The following IL7 variants were observed in gnomAD, a reference collection of about 807,000 sequenced individuals.
The protein encoded by IL7 is interleukin-7.
IL7 carries 3 observed loss-of-function variants against 21.6 expected under a neutral mutation model. That is an observed-to-expected ratio of 0.14 (90% CI 0.06 to 0.36). The LOEUF is 0.36. Ranked by LOEUF, IL7 falls within the 10% of genes least tolerant of loss-of-function variation. The probability of loss-of-function intolerance (pLI) is 1.00; values close to 1 mark genes in which losing one functional copy is unlikely to be tolerated. For synonymous variants in IL7, 62 were observed against 68.1 expected, an observed-to-expected ratio of 0.91 and a Z score of 0.44; for missense variants, 175 against 200.2, an observed-to-expected ratio of 0.87 and a Z score of 0.76.
At chr8:78,698,268 G>A in intron 3 of IL7, 1 of 616,050 alleles carries the variant, frequency 1.6e-6, no homozygotes, top group Non-Finnish European at 2.7e-6. Flanking sequence ...TCGTCCTCTG[G>A]AAATGCCATT....
chr8:78,775,858 T>A (rs1813120333), intron 2 of IL7, among the ~76,000 whole-genome samples: 1 of 152,062 alleles, frequency 6.6e-6, no homozygotes, highest in Non-Finnish European at 1.5e-5. Context: ...TCACTGGACC[T>A]CTGTGTAAGA....
chr8:78,697,454 A>T (rs1474057394), intron 3 of IL7: 1 of 1,610,626 alleles, frequency 6.2e-7, no homozygotes, highest in South Asian at 1.1e-5. Flanking sequence ...GAACTGCATC[A>T]TCAGGATCTT....
downstream of IL7, among the ~76,000 whole-genome samples, chr8:78,729,867 A>G (rs961191342): frequency 6.6e-6 from 1 of 152,044 alleles, no homozygotes; most frequent in African/African-American, 2.4e-5. Context: ...CATTGAAGAT[A>G]GAAATTGGCA....
chr8:78,728,435 ACAGAG>A (rs1160421433), downstream of IL7, among the ~76,000 whole-genome samples: 76 of 152,186 alleles, frequency 5.0e-4, no homozygotes, highest in African/African-American at 1.7e-3. Flanking sequence ...GATCATCAGA[ACAGAG>A]CAGAGCAGAG....
At chr8:78,709,968 G>A (rs1371808017) in intron 3 of IL7, among the ~76,000 whole-genome samples, 1 of 152,000 alleles carries the variant, frequency 6.6e-6, no homozygotes, top group Non-Finnish European at 1.5e-5. Context: ...ACTCCTACAA[G>A]GTACCTAGTA....
chr8:78,771,951 GC>G (rs2130789110), intron 2 of IL7, among the ~76,000 whole-genome samples: 1 of 152,190 alleles, frequency 6.6e-6, no homozygotes, highest in South Asian at 2.1e-4. Flanking sequence ...GTCATTTCTA[GC>G]CCCAAAGAGG....
intron 2 of IL7, among the ~76,000 whole-genome samples, chr8:78,775,018 C>T (rs1197893945): frequency 6.6e-6 from 1 of 152,042 alleles, no homozygotes; most frequent in Non-Finnish European, 1.5e-5. Context: ...AGTTGTTAAA[C>T]CCATTCTTTA....
In IL7 at chr8:78,799,695, G is replaced by A. The variant is rs754639209; in HGVS notation, c.11-1487C>T. 7.9e-5 allele frequency among the ~76,000 whole-genome samples: 12 copies of A among 151,858 alleles called. No homozygotes were observed. In the East Asian group the frequency reaches 9.7e-4, roughly 12 times the overall value. ...AATATCCAAAAAGTTCTGCAAGTTA[G>A]TCTTTCTGTAACACATACATAGTAG... On this transcript the variant is annotated intron_variant, in intron 1 of 5. Transcript: ENST00000263851.
intron 3 of IL7, chr8:78,689,310 T>C (rs1810129688): frequency 6.2e-7 from 1 of 1,603,508 alleles, no homozygotes; most frequent in Non-Finnish European, 8.5e-7. Flanking sequence ...AGGCAGCACG[T>C]ATTAGTAATA....
At chr8:78,721,304 C>T (rs1324024762) in intron 4 of IL7, 3 of 151,888 alleles carry the variant, frequency 2.0e-5, no homozygotes, top group Non-Finnish European at 4.4e-5. Flanking sequence ...TTCCTTGTGC[C>T]AATGCTTGGG....
chr8:78,698,947 C>T (rs1042233480), intron 3 of IL7, among the ~76,000 whole-genome samples: 5 of 152,156 alleles, frequency 3.3e-5, no homozygotes, highest in South Asian at 2.1e-4. Context: ...TAAAGTTAGA[C>T]GCAATATATA....
intron 3 of IL7, chr8:78,698,428 A>G (rs755939375): frequency 9.3e-6 from 15 of 1,612,226 alleles, no homozygotes; most frequent in African/African-American, 1.3e-5. Context: ...TCCTTCAGGT[A>G]AAGTGTCTTC....
chr8:78,727,440 A>G (rs1811357686), intron 3 of IL7, among the ~76,000 whole-genome samples: 1 of 152,074 alleles, frequency 6.6e-6, no homozygotes, highest in Admixed American at 6.6e-5. Context: ...AGAATAGTAC[A>G]GAATCCTTTT....
downstream of IL7, chr8:78,715,395 A>T (rs1028192710): frequency 7.1e-7 from 1 of 1,410,994 alleles, no homozygotes; most frequent in East Asian, 2.4e-5. Context: ...TCCAAGGACC[A>T]TACACAAAAG....
intron 2 of IL7, among the ~76,000 whole-genome samples, chr8:78,767,080 T>C (rs552203053): frequency 1.3e-5 from 2 of 152,260 alleles, no homozygotes; most frequent in African/African-American, 4.8e-5. Flanking sequence ...TTCTTTTCTA[T>C]GAATAGTCTG....
intron 2 of IL7, among the ~76,000 whole-genome samples, chr8:78,748,451 C>G (rs1169563584): frequency 6.6e-6 from 1 of 152,148 alleles, no homozygotes; most frequent in Non-Finnish European, 1.5e-5. Context: ...ATGGACATAT[C>G]AAGGATCATT....
intron 2 of IL7, chr8:78,762,417 G>T (rs1812598978): frequency 1.2e-6 from 2 of 1,606,964 alleles, no homozygotes; most frequent in Admixed American, 3.4e-5. Flanking sequence ...TGGCGGCAGC[G>T]CAGAAGTTCG....
rs200713800 is a variant in IL7 at position 78,767,219 on chromosome 8, AGT to A, written c.148-27139_148-27138del. Reference sequence around the variant, plus strand: ...TTATATAGTGCATACAGTGTGAGTGAGTGTGTGTGTGTGTCTGTGTTTATCTC... The same window carrying A: ...TTATATAGTGCATACAGTGTGAGTGAGTGTGTGTGTGTCTGTGTTTATCTC... On this transcript the variant is annotated intron_variant, in intron 2 of 5. Transcript: ENST00000263851. 3.5e-3 allele frequency among the ~76,000 whole-genome samples: 535 copies of A among 151,036 alleles called. 3 individuals are homozygous for A. The highest frequency in any genetic ancestry group is 5.6e-3 in the Non-Finnish European group (380 of 67,484).
chr8:78,797,011 C>T (rs1813874618), intron 2 of IL7, among the ~76,000 whole-genome samples: 1 of 151,858 alleles, frequency 6.6e-6, no homozygotes, highest in Admixed American at 6.6e-5. Context: ...ACACATTTTT[C>T]AATCAGTGAA....
Sources: gnomAD v4.1 joint callset for allele counts (sites outside exome capture counted in the v4.1 genomes callset) on GRCh38, gnomAD v4.1.1 for gene constraint, MANE v1.5 for transcripts, NCBI Gene and HGNC (gene_info 2026-07-23, HGNC 2026-07-21) for gene names.